The following TRPV2 variants were observed in gnomAD, a reference collection of about 807,000 sequenced individuals.
TRPV2 encodes the protein transient receptor potential cation channel subfamily V member 2.
A neutral mutation model predicts 91.0 loss-of-function variants in TRPV2; 58 were observed. The ratio of observed to expected loss-of-function variants is 0.64; its 90% CI spans 0.52 to 0.79. The LOEUF is 0.79. Ranked by LOEUF, TRPV2 falls within the 30% of genes least tolerant of loss-of-function variation. TRPV2 has a pLI of 0.00. For missense variants in TRPV2, 807 were observed against 969.6 expected, an observed-to-expected ratio of 0.83 and a Z score of 2.23; for synonymous variants, 417 against 414.8, an observed-to-expected ratio of 1.01 and a Z score of -0.06.
At chr17:16,429,816 C>T (rs965132333) in intron 10 of TRPV2, among the ~76,000 whole-genome samples, 1 of 149,874 alleles carries the variant, frequency 6.7e-6, no homozygotes, top group Non-Finnish European at 1.5e-5. Context: ...TTGGAGGTCC[C>T]CAGAGGCTTT....
At chr17:16,420,864 CCT>C (rs1214779076) in intron 3 of TRPV2, among the ~76,000 whole-genome samples, 2 of 152,204 alleles carry the variant, frequency 1.3e-5, no homozygotes, top group Non-Finnish European at 2.9e-5. Flanking sequence ...GATCCTTCCA[CCT>C]TGGCCCCCCA....
chr17:16,426,999 T>C lies in TRPV2; in HGVS notation c.1251+122T>C. The C allele has an allele frequency of 8.6e-7, 1 of 1,167,566 alleles. No homozygotes were observed. The highest frequency in any genetic ancestry group is 1.5e-5 in the African/African-American group (1 of 65,714). The allele number at this position is 1,167,566 out of a possible 1,614,324, so 72.3% of individuals were successfully genotyped here. ...TGCTGGAGTGACATTCCCAAGCTTA[T>C]GGGAGCCAGCACTGCAGTACTAACG... On this transcript the variant is annotated intron_variant, in intron 7 of 14. Transcript: ENST00000338560. This position sits in a 1 kb window ranked among gnomAD's most constrained non-coding sequence, Gnocchi z 6.0.
rs547123940 is a variant in TRPV2, at chr17:16,434,961, G to C, written c.2186G>C (p.Gly729Ala). 1 of 1,609,744 alleles carries C rather than the reference G, an allele frequency of 6.2e-7. No homozygotes were observed. The highest frequency in any genetic ancestry group is 1.1e-5 in the South Asian group (1 of 90,396). ...PTLCEDPSGAGVPRTLENPVL... is the reference protein window; with the variant it reads ...PTLCEDPSGAAVPRTLENPVL... The stretch of plus-strand genomic sequence containing the variant: ...CTGTGTGAGGACCCGTCAGGGGCAG[G>C]TGTCCCTCGTGAGTAGCCTGGTGAC... Residue 729 changes from glycine (G) to alanine (A), a missense_variant, in exon 14 of 15, where the codon GGT becomes GCT. Transcript: ENST00000338560.
intron 9 of TRPV2, 76 bp downstream of exon 9, chr17:16,428,463 G>T (rs1313277782): frequency 1.3e-6 from 2 of 1,526,774 alleles, no homozygotes; most frequent in Non-Finnish European, 1.8e-6. Flanking sequence ...GAAGGCACCA[G>T]GTTGGCTTTA....
rs763863580 is a variant in TRPV2 at position 16,417,880 on chromosome 17, A to C, written c.200+12A>C. On this transcript the variant is annotated intron_variant, in intron 2 of 14. Coordinates refer to ENST00000338560, the MANE Select transcript of TRPV2 (RefSeq NM_016113.5). ...GGAACAGGTGCCAGGTGAGACAGCA[A>C]GTGGGGGCAGGGCAAAGGGGGCCCC... is the stretch of plus-strand genomic sequence containing the variant. The C allele has an allele frequency of 1.4e-5, 22 of 1,612,488 alleles. No individual in the cohort carries two copies. The highest frequency in any genetic ancestry group is 1.9e-5 in the Non-Finnish European group (22 of 1,179,230).
intron 3 of TRPV2, among the ~76,000 whole-genome samples, chr17:16,421,509 G>A (rs928792328): frequency 4.1e-5 from 6 of 147,232 alleles, no homozygotes; most frequent in South Asian, 2.2e-4. Context: ...GTGAGCCACC[G>A]CGCCTGGCCA....
chr17:16,426,268 C>A lies in TRPV2; in HGVS notation c.1094C>A (p.Pro365Gln). 6.2e-7 allele frequency: 1 copy of A among 1,614,002 alleles called. No individual in the cohort carries two copies. The highest frequency in any genetic ancestry group is 8.5e-7 in the Non-Finnish European group (1 of 1,179,976). ...ATCATTGCCTTTCATTGCAAGAGCC[C>A]GGTGAGCCCACAGGAGCATGGGTGC... ...LEIIAFHCKS[P>Q]HRHRMVVLEP... is the part of the protein sequence containing the mutation. The change falls in exon 6 of 15, where the codon CCG becomes CAG. Residue 365 changes from proline (P) to glutamine (Q), a missense_variant and splice_region_variant. Physicochemically the swap from Pro to Gln is moderately conservative, Grantham distance 76. Transcript: ENST00000338560. The surrounding 1 kb of genome is among the most constrained non-coding windows in gnomAD (Gnocchi z 6.0).
At chr17:16,424,905 A>G (rs1379492517) in intron 5 of TRPV2, among the ~76,000 whole-genome samples, 1 of 148,392 alleles carries the variant, frequency 6.7e-6, no homozygotes, top group East Asian at 1.9e-4. Context: ...TATATAATAC[A>G]TATTATATGT....
chr17:16,422,322 C>CAAAAAAAAA (rs5819570), intron 3 of TRPV2, among the ~76,000 whole-genome samples: 1 of 92,762 alleles, frequency 1.1e-5, no homozygotes, highest in East Asian at 3.7e-4. Context: ...GACTCTGTCT[C>CAAAAAAAAA]AAAAAAAAAA....
chr17:16,422,172 A>T (rs1384797503), intron 3 of TRPV2, among the ~76,000 whole-genome samples: 2 of 151,750 alleles, frequency 1.3e-5, no homozygotes, highest in East Asian at 3.9e-4. Flanking sequence ...CAACAAAAAA[A>T]ATTAGCCGGG....
chr17:16,434,627 G>A (rs2143000055), intron 13 of TRPV2: 1 of 442,430 alleles, frequency 2.3e-6, no homozygotes, highest in South Asian at 3.7e-5. Flanking sequence ...CCTCTTCTCT[G>A]GTTGTTCTGG....
intron 13 of TRPV2, among the ~76,000 whole-genome samples, chr17:16,434,499 C>CA (rs917419252): frequency 1.3e-4 from 19 of 148,640 alleles, no homozygotes; most frequent in Middle Eastern, 3.5e-3. Flanking sequence ...ACAACAGCAA[C>CA]AAAAAAAACA....
At chr17:16,424,980 T>TAA (rs1482864885) in intron 5 of TRPV2, among the ~76,000 whole-genome samples, 2 of 147,832 alleles carry the variant, frequency 1.4e-5, no homozygotes, top group Non-Finnish European at 3.0e-5. Flanking sequence ...AGTATATATA[T>TAA]AATCTTCATA....
intron 3 of TRPV2, among the ~76,000 whole-genome samples, chr17:16,420,919 C>A (rs933092258): frequency 1.3e-5 from 2 of 151,840 alleles, no homozygotes; most frequent in Non-Finnish European, 2.9e-5. Context: ...CAGGGCCTAT[C>A]CAGACTTTCT....
chr17:16,417,586 C>T lies in TRPV2; in HGVS notation c.-83C>T, dbSNP rs758488359. On this transcript the variant is annotated 5_prime_UTR_variant, in exon 2 of 15. Transcript: ENST00000338560. ...GGCTCCAGTCAGGCCAACACCGACG[C>T]GCAGCTGGGAGGAAGACAGGACCCT... 4.8e-5 allele frequency: 71 copies of T among 1,478,056 alleles called. 1 individual carries two copies. The East Asian group carries it at 1.3e-3, about 27-fold the overall frequency. The allele number at this position is 1,478,056 out of a possible 1,614,324, so 91.6% of individuals were successfully genotyped here.
At chr17:16,428,791 C>A (rs2093396641) in intron 9 of TRPV2, 26 bp from the exon 10 acceptor site, 1 of 1,612,000 alleles carries the variant, frequency 6.2e-7, no homozygotes, top group Non-Finnish European at 8.5e-7. Flanking sequence ...GGCCCGCAAG[C>A]CCACCTGGAT....
chr17:16,420,020 T>TACAGGACTCCCTG, intron 2 of TRPV2, 95 bp from the exon 3 acceptor site: 1 of 1,538,242 alleles, frequency 6.5e-7, no homozygotes, highest in Non-Finnish European at 8.8e-7. Flanking sequence ...GTGCAGTGTG[T>TACAGGACTCCCTG]ACAGGACTCC....
rs1448871917 is a variant in TRPV2, at chr17:16,433,788, C to T, written c.2114+90C>T. ...CAGTGCAGGGCACAGCTGCCAGGAG[C>T]CAGGTCTGGTGGGAAGGGCAGGCCC... On this transcript the variant is annotated intron_variant, in intron 13 of 14. Transcript: ENST00000338560. The T allele has an allele frequency of 3.2e-6, 5 of 1,543,382 alleles. No homozygotes were observed. In the East Asian group the frequency reaches 1.1e-4, roughly 35 times the overall value.
rs750220904 is a variant in TRPV2 at position 16,417,776 on chromosome 17, G to A, written c.108G>A (p.Leu36=). 1.9e-6 allele frequency: 3 copies of A among 1,614,086 alleles called. No homozygotes were observed. The highest frequency in any genetic ancestry group is 2.7e-5 in the African/African-American group (2 of 74,932). ...DRGKLDFGSG[L]PPMESQFQGE... ...GAAAGCTGGATTTTGGGAGCGGGCT[G>A]CCTCCCATGGAGTCACAGTTCCAGG... The change falls in exon 2 of 15, where the codon CTG becomes CTA. Residue 36 remains leucine, a synonymous_variant. Coordinates refer to ENST00000338560, the MANE Select transcript of TRPV2 (RefSeq NM_016113.5).
Sources: allele counts gnomAD v4.1 joint callset (sites outside exome capture counted in the v4.1 genomes callset), GRCh38; gene constraint gnomAD v4.1.1; non-coding constraint Gnocchi (gnomAD v3.1); transcripts MANE v1.5; gene names NCBI Gene and HGNC (gene_info 2026-07-23, HGNC 2026-07-21).